FBF1: variants seen among roughly 807,000 people sequenced by gnomAD.
FBF1 encodes the protein Fas binding factor 1, also known as fas-binding factor 1.
Under a neutral mutation model 147.2 loss-of-function variants are expected in FBF1, and 119 were observed. The observed-to-expected ratio is 0.81, with a 90% CI of 0.70 to 0.94. The LOEUF is 0.94. FBF1 is among the 40% of genes least tolerant of loss of function. The pLI is 0.00. For missense variants in FBF1, 1,449 were observed against 1,500.8 expected (o/e 0.97, Z 0.57); for synonymous variants, 601 against 609.0 (o/e 0.99, Z 0.19).
chr17:75,914,550 T>C, intron 25 of FBF1, 197 bp downstream of exon 25: 1 of 818,338 alleles, frequency 1.2e-6, no homozygotes, highest in Non-Finnish European at 1.8e-6. Flanking sequence ...AACATGAGGA[T>C]CAAATAAAAT....
chr17:75,936,569 G>A (rs11869498), intron 3 of FBF1, among the ~76,000 whole-genome samples: 16,953 of 151,626 alleles, frequency 0.11, 1,423 homozygotes, highest in African/African-American at 0.23. Flanking sequence ...CAATTACTGG[G>A]GAGGCTGAGG....
At chr17:75,931,333 T>TA in intron 5 of FBF1, 44 bp from the exon 6 acceptor site, 1 of 1,528,598 alleles carries the variant, frequency 6.5e-7, no homozygotes, top group South Asian at 1.2e-5. Flanking sequence ...CCCAGGGCAC[T>TA]GGATGACTCT....
Position 75,912,297 on chromosome 17 carries a change from A to C in FBF1, c.3258T>G (p.Pro1086=), listed in dbSNP as rs752615636. The stretch of plus-strand genomic sequence containing the variant: ...TGCACCAACGGGTGGTGGGAGCAGG[A>C]GGCATGAGGGCTGAAAAGGCCAAGG... ...PAASSQSALM[P]PAPTTRWCSQ... is the part of the protein sequence containing the mutation. The change falls in exon 29 of 30, where the codon CCT becomes CCG. Residue 1086 remains proline, a synonymous_variant. Coordinates refer to ENST00000636174, the MANE Select transcript of FBF1 (RefSeq NM_001319193.2). 4 of 1,597,614 alleles carry C rather than the reference A, an allele frequency of 2.5e-6. No homozygotes were observed. Among genetic ancestry groups the C allele is most frequent in the Non-Finnish European group, 3.4e-6 (4 of 1,172,470 alleles).
In FBF1 at chr17:75,925,831, C is replaced by CAA. The variant is rs1179045146; in HGVS notation, c.868+197_868+198dup. 6.6e-6 allele frequency among the ~76,000 whole-genome samples: 1 copy of CAA among 152,230 alleles called. No homozygotes were observed. Among genetic ancestry groups the CAA allele is most frequent in the Admixed American group, 6.5e-5 (1 of 15,284 alleles). The stretch of plus-strand genomic sequence containing the variant: ...TGTGTTTCCAAATCAAACAGCATCT[C>CAA]AATCATAGACAACTGAGCACGAACA... On this transcript the variant is annotated intron_variant, in intron 12 of 29. Transcript: ENST00000636174. This position sits in a 1 kb window ranked among gnomAD's most constrained non-coding sequence, Gnocchi z 5.0.
chr17:75,922,123 G>A lies in FBF1; in HGVS notation c.1425-77C>T, dbSNP rs1429486446. The A allele has an allele frequency of 2.3e-6, 3 of 1,282,502 alleles. No individual in the cohort carries two copies. Among genetic ancestry groups the A allele is most frequent in the Non-Finnish European group, 3.3e-6 (3 of 912,990 alleles). 79.4% of individuals were successfully genotyped at this position (1,282,502 alleles called of 1,614,324 possible). A position where few individuals can be genotyped will look rare whatever the true frequency, so the allele number is the denominator to read the frequency against. On this transcript the variant is annotated intron_variant, in intron 14 of 29. Transcript: ENST00000636174. The surrounding 1 kb of genome is among the most constrained non-coding windows in gnomAD (Gnocchi z 5.0). Reference sequence around the variant, plus strand: ...TGGATGAAGACAGGGCCCAGGACGGGCTTCACACGTGAAGCTCGTGGCCCC... The same window carrying A: ...TGGATGAAGACAGGGCCCAGGACGGACTTCACACGTGAAGCTCGTGGCCCC...
rs1298998389 is a variant in FBF1, at chr17:75,910,703, G to A, written c.*20C>T. The A allele has an allele frequency of 6.3e-7, 1 of 1,597,494 alleles. No individual in the cohort carries two copies. The highest frequency in any genetic ancestry group is 8.5e-7 in the Non-Finnish European group (1 of 1,171,942). ...TTCTGGGGTCCGAACCCTCTGTTGG[G>A]GAATCGGCTGGGGTCCCACTCAGGC... On this transcript the variant is annotated 3_prime_UTR_variant, in exon 30 of 30. Coordinates refer to ENST00000636174, the MANE Select transcript of FBF1 (RefSeq NM_001319193.2). This position sits in a 1 kb window ranked among gnomAD's most constrained non-coding sequence, Gnocchi z 4.1.
At chr17:75,934,607 G>T (rs535317898) in intron 4 of FBF1, among the ~76,000 whole-genome samples, 1 of 151,438 alleles carries the variant, frequency 6.6e-6, no homozygotes, top group Non-Finnish European at 1.5e-5. Flanking sequence ...GCCGGGCGCG[G>T]TGGCTCAATA....
At position 75,914,532 on chromosome 17, in the gene FBF1, G is replaced by A. The variant is rs961616262; in HGVS notation, c.2814+215C>T. On this transcript the variant is annotated intron_variant, in intron 25 of 29. Transcript: ENST00000636174. ...GTTTCCTCATTTCTAAATGACCAAA[G>A]TCATGGGAACATGAGGATCAAATAA... The A allele has an allele frequency of 5.6e-5, 47 of 837,464 alleles. No individual in the cohort carries two copies. In the South Asian group the frequency reaches 8.9e-4, roughly 16 times the overall value. The allele number at this position is 837,464 out of a possible 1,614,324, so 51.9% of individuals were successfully genotyped here. A position where few individuals can be genotyped will look rare whatever the true frequency, so the allele number is the denominator to read the frequency against.
Position 75,910,114 on chromosome 17 carries a change from T to C in FBF1, c.*609A>G. On this transcript the variant is annotated 3_prime_UTR_variant, in exon 30 of 30. Transcript: ENST00000636174. The surrounding 1 kb of genome is among the most constrained non-coding windows in gnomAD (Gnocchi z 4.1). ...ACTGTTCACCCAAACTGGTTGGTCC[T>C]TCGGGCAATGCTGGGAATAGGGTGG... 1.9e-6 allele frequency: 1 copy of C among 521,316 alleles called. No homozygotes were observed. Among genetic ancestry groups the C allele is most frequent in the Non-Finnish European group, 3.7e-6 (1 of 271,932 alleles). The allele number at this position is 521,316 out of a possible 1,614,324, so 32.3% of individuals were successfully genotyped here.
At position 75,917,849 on chromosome 17, in the gene FBF1, T is replaced by C. The variant is rs2065498182; in HGVS notation, c.2388A>G (p.Ala796=). ...GCTGCTGGCCCAGCCGCTCCTGCAGTGCTGGGGGCAACCCACAGGGTGCTC... is the reference window on the plus strand; with the variant it reads ...GCTGCTGGCCCAGCCGCTCCTGCAGCGCTGGGGGCAACCCACAGGGTGCTC... ...GIRQRDEQLR[A]LQERLGQQQR... Residue 796 remains alanine, a splice_region_variant and synonymous_variant, in exon 23 of 30, where the codon GCA becomes GCG. Coordinates refer to ENST00000636174, the MANE Select transcript of FBF1 (RefSeq NM_001319193.2). The C allele has an allele frequency of 1.2e-6, 2 of 1,602,262 alleles. No homozygotes were observed. Among genetic ancestry groups the C allele is most frequent in the African/African-American group, 1.3e-5 (1 of 74,250 alleles).
chr17:75,923,672 G>C lies in FBF1; in HGVS notation c.969-31C>G. On this transcript the variant is annotated intron_variant, in intron 13 of 29. Coordinates refer to ENST00000636174, the MANE Select transcript of FBF1 (RefSeq NM_001319193.2). The surrounding 1 kb of genome is among the most constrained non-coding windows in gnomAD (Gnocchi z 4.1). ...AGACAGAAAGGAGGGTGTCAGGCAG[G>C]GGAAACAGCCAGTCCCAGTGGCCCC... 1 of 1,541,486 alleles carries C rather than the reference G, an allele frequency of 6.5e-7. No homozygotes were observed. Among genetic ancestry groups the C allele is most frequent in the Non-Finnish European group, 8.8e-7 (1 of 1,141,764 alleles).
chr17:75,937,974 C>G, intron 2 of FBF1, 173 bp downstream of exon 2: 1 of 934,680 alleles, frequency 1.1e-6, no homozygotes, highest in African/African-American at 1.6e-5. Context: ...TCAGAAGAAA[C>G]CTTGGTCGTC....
At position 75,917,785 on chromosome 17, in the gene FBF1, C is replaced by T; in HGVS notation, c.2452G>A (p.Val818Ile). The T allele has an allele frequency of 6.2e-7, 1 of 1,611,062 alleles. No homozygotes were observed. Among genetic ancestry groups the T allele is most frequent in the Non-Finnish European group, 8.5e-7 (1 of 1,179,308 alleles). ...AGCCGTGCCTCCATCTTCCCGATGACCTCCTGTTGCCGGCTCCGCTCCTCC... is the reference window on the plus strand; with the variant it reads ...AGCCGTGCCTCCATCTTCCCGATGATCTCCTGTTGCCGGCTCCGCTCCTCC... ...MEEERSRQQE[V>I]IGKMEARLNE... The change falls in exon 23 of 30, where the codon GTC becomes ATC. Residue 818 changes from valine (V) to isoleucine (I), a missense_variant. Transcript: ENST00000636174.
In FBF1 at chr17:75,913,897, A is replaced by C; in HGVS notation, c.3129+16T>G. The stretch of plus-strand genomic sequence containing the variant: ...GGTGCCGGGGGCAGGGGCGCCATAC[A>C]CTCAGGGAGCCTTGCCTGGTGCATG... On this transcript the variant is annotated intron_variant, in intron 27 of 29. Transcript: ENST00000636174. The C allele has an allele frequency of 6.5e-7, 1 of 1,548,044 alleles. No individual in the cohort carries two copies. Among genetic ancestry groups the C allele is most frequent in the Non-Finnish European group, 8.7e-7 (1 of 1,151,252 alleles).
At chr17:75,926,957 C>A in intron 9 of FBF1, 80 bp from the exon 10 acceptor site, 1 of 1,535,370 alleles carries the variant, frequency 6.5e-7, no homozygotes, top group Non-Finnish European at 8.8e-7. Flanking sequence ...GAGCAGCGCT[C>A]GAGTCAAGGC....
intron 2 of FBF1, 158 bp from the exon 3 acceptor site, chr17:75,937,751 TTC>T: frequency 1.3e-6 from 1 of 799,250 alleles, no homozygotes; most frequent in East Asian, 2.7e-5. Flanking sequence ...TTCCTATAGT[TTC>T]TGAGAACGGA....
chr17:75,913,722 G>C lies in FBF1; in HGVS notation c.3227C>G (p.Pro1076Arg). 6.3e-7 allele frequency: 1 copy of C among 1,598,326 alleles called. No homozygotes were observed. The change falls in exon 28 of 30, where the codon CCT (proline) becomes CGT (arginine). Residue 1076 changes from proline to arginine, a missense_variant. Coordinates refer to ENST00000636174, the MANE Select transcript of FBF1 (RefSeq NM_001319193.2). ...CTCACCACTCTGGCTGGAGGCTGCA[G>C]GGCCCTGGGCCCTGGGGAACAGACC... ...LVGLFPRAQG[P>R]AASSQSALMP...
At chr17:75,931,949 T>A (rs919389529) in intron 5 of FBF1, among the ~76,000 whole-genome samples, 1 of 152,150 alleles carries the variant, frequency 6.6e-6, no homozygotes, top group East Asian at 1.9e-4. Context: ...ATCCTTTAAT[T>A]CTGAGGATAA....
intron 23 of FBF1, among the ~76,000 whole-genome samples, chr17:75,915,935 G>A (rs1481385824): frequency 6.7e-6 from 1 of 149,650 alleles, no homozygotes; most frequent in Non-Finnish European, 1.5e-5. Flanking sequence ...TTGAACCCAG[G>A]AGGCGAAGTT....
Sources: gnomAD v4.1 joint callset for allele counts (sites outside exome capture counted in the v4.1 genomes callset) on GRCh38, gnomAD v4.1.1 for gene constraint, Gnocchi (gnomAD v3.1) non-coding constraint, MANE v1.5 for transcripts, NCBI Gene and HGNC (gene_info 2026-07-23, HGNC 2026-07-21) for gene names.